FAT3: variants seen among roughly 807,000 people sequenced by gnomAD.
The protein encoded by FAT3 is protocadherin Fat 3.
In FAT3, 95 loss-of-function variants were observed where a neutral mutation model predicts 310.2. The observed-to-expected ratio is 0.31, with a 90% CI of 0.26 to 0.36. FAT3 has a LOEUF of 0.36. Among genes scored for constraint, FAT3 ranks in the 10% least tolerant of loss-of-function variants. FAT3 has a pLI of 1.00. For missense variants in FAT3, 5,408 were observed against 5,715.6 expected (o/e 0.95, Z 1.74); for synonymous variants, 2,314 against 2,192.9 (o/e 1.06, Z -1.54).
chr11:92,494,510 A>C (rs1952697298), intron 2 of FAT3, among the ~76,000 whole-genome samples: 1 of 152,080 alleles, frequency 6.6e-6, no homozygotes, highest in African/African-American at 2.4e-5. Context: ...CACCATGTAT[A>C]AACTACATGT....
intron 1 of FAT3, among the ~76,000 whole-genome samples, chr11:92,326,487 AAAG>A (rs1253360723): frequency 3.3e-5 from 5 of 152,362 alleles, no homozygotes; most frequent in Non-Finnish European, 7.3e-5. Context: ...TGCGGTAGAC[AAAG>A]AAGGAAACAT....
At chr11:92,829,783 A>G (rs1948194356) in intron 13 of FAT3, among the ~76,000 whole-genome samples, 1 of 152,200 alleles carries the variant, frequency 6.6e-6, no homozygotes, top group Non-Finnish European at 1.5e-5. Context: ...ATAAAAGTAA[A>G]TGATGAAACT....
chr11:92,771,655 C>T (rs1354350968), intron 6 of FAT3, among the ~76,000 whole-genome samples: 1 of 151,968 alleles, frequency 6.6e-6, no homozygotes, highest in Non-Finnish European at 1.5e-5. Flanking sequence ...TGGTCTGTCT[C>T]CCCTGTCCCT....
At chr11:92,279,402 T>C (rs552917146) in intron 1 of FAT3, among the ~76,000 whole-genome samples, 6 of 152,266 alleles carry the variant, frequency 3.9e-5, no homozygotes, top group Non-Finnish European at 5.9e-5. Context: ...ATGTATCCCT[T>C]TTCTGAATAA....
At chr11:92,563,165 C>T (rs1202267145) in intron 3 of FAT3, among the ~76,000 whole-genome samples, 1 of 152,170 alleles carries the variant, frequency 6.6e-6, no homozygotes, top group Non-Finnish European at 1.5e-5. Context: ...CCAGTATCAT[C>T]TTTTGAGTAA....
chr11:92,761,591 A>G (rs900917672), intron 4 of FAT3, among the ~76,000 whole-genome samples: 2 of 152,100 alleles, frequency 1.3e-5, no homozygotes, highest in Admixed American at 6.5e-5. Context: ...TTTTATAGGG[A>G]CATGAGTTCT....
At chr11:92,717,714 T>G (rs796932496) in intron 4 of FAT3, among the ~76,000 whole-genome samples, 21 of 152,330 alleles carry the variant, frequency 1.4e-4, no homozygotes, top group African/African-American at 5.1e-4. Flanking sequence ...TTAGTTCACT[T>G]CTACAGCTAT....
rs1017792032 is a variant in FAT3, at chr11:92,799,578, C to T, written c.6565C>T (p.Pro2189Ser). 4 of 1,613,746 alleles carry T rather than the reference C, an allele frequency of 2.5e-6. No homozygotes were observed. The highest frequency in any genetic ancestry group is 1.7e-6 in the Non-Finnish European group (2 of 1,179,836). The change falls in exon 10 of 28, where the codon CCC becomes TCC. Residue 2189 changes from proline (P) to serine (S), a missense_variant. Physicochemically the swap from Pro to Ser is moderately conservative, Grantham distance 74 (BLOSUM62 -1). Transcript: ENST00000525166. The part of the protein sequence containing the change: ...VNKAMPVFDK[P>S]FYTASVNEDI... Reference sequence around the variant, plus strand: ...CAAAGCAATGCCTGTGTTTGATAAGCCCTTTTATACAGCATCTGTCAATGA... The same window carrying T: ...CAAAGCAATGCCTGTGTTTGATAAGTCCTTTTATACAGCATCTGTCAATGA...
chr11:92,724,036 A>T (rs537851573), intron 4 of FAT3, among the ~76,000 whole-genome samples: 44 of 152,276 alleles, frequency 2.9e-4, no homozygotes, highest in Non-Finnish European at 5.4e-4. Flanking sequence ...TTAACAAAAC[A>T]TAGTGGCTTA....
intron 4 of FAT3, among the ~76,000 whole-genome samples, chr11:92,726,242 T>C (rs975155742): frequency 2.6e-5 from 4 of 152,184 alleles, no homozygotes; most frequent in African/African-American, 9.6e-5. Flanking sequence ...TCCTTTTCTA[T>C]ATTTATAGAA....
chr11:92,854,467 G>A (rs1408612770), intron 19 of FAT3, among the ~76,000 whole-genome samples: 1 of 152,174 alleles, frequency 6.6e-6, no homozygotes, highest in Non-Finnish European at 1.5e-5. Context: ...CGCCTTCCCT[G>A]CTGCAGCTGG....
chr11:92,797,050 G>A (rs960796535), intron 9 of FAT3, among the ~76,000 whole-genome samples: 2 of 152,206 alleles, frequency 1.3e-5, no homozygotes, highest in African/African-American at 4.8e-5. Flanking sequence ...AATGCTTGGT[G>A]AATAGAATGG....
chr11:92,554,898 TG>T (rs1377129629), intron 3 of FAT3, among the ~76,000 whole-genome samples: 1 of 152,220 alleles, frequency 6.6e-6, no homozygotes, highest in Non-Finnish European at 1.5e-5. Context: ...TCTGCTGCAC[TG>T]AAGCTCATAA....
chr11:92,352,269 T>G lies in FAT3; in HGVS notation c.157T>G (p.Tyr53Asp), dbSNP rs778814993. 2.1e-6 allele frequency: 3 copies of G among 1,443,580 alleles called. No homozygotes were observed. Among genetic ancestry groups the G allele is most frequent in the Admixed American group, 3.7e-5 (2 of 54,730 alleles). 89.4% of individuals were successfully genotyped at this position (1,443,580 alleles called of 1,614,324 possible). ...ACATTCCATTTATAATGCTACCGTG[T>G]ATGAGAACTCAGCAGCAAGGACCTA... is the stretch of plus-strand genomic sequence containing the variant. The part of the protein sequence containing the change: ...FTHSIYNATV[Y>D]ENSAARTYVN... The change falls in exon 2 of 28, where the codon TAT (tyrosine) becomes GAT (aspartate). Residue 53 changes from tyrosine (Y) to aspartate (D), a missense_variant. By Grantham distance (160) the Tyr-to-Asp change is radical. This residue lies in a region of FAT3 where 152 missense variants were observed against 188.3 expected (regional missense o/e 0.81). Transcript: ENST00000525166.
At chr11:92,803,081 AAG>A (rs1345026215) in intron 10 of FAT3, among the ~76,000 whole-genome samples, 1 of 152,148 alleles carries the variant, frequency 6.6e-6, no homozygotes, top group Non-Finnish European at 1.5e-5. Flanking sequence ...AGATAGAAGA[AAG>A]AGGTGAGTGA....
In FAT3 at chr11:92,382,232, G is replaced by C. The variant is rs891075115; in HGVS notation, c.3292+26828G>C. On this transcript the variant is annotated intron_variant, in intron 2 of 27. Transcript: ENST00000525166. ...TAATTTCCTCAAATTTGAAAGTTGC[G>C]TGAGTCTTAAACTGGCCCTTAGAAG... 5.9e-5 allele frequency among the ~76,000 whole-genome samples: 9 copies of C among 152,196 alleles called. No homozygotes were observed. The East Asian group carries it at 1.5e-3, about 26-fold the overall frequency.
At chr11:92,765,190 G>A (rs1310965584) in intron 6 of FAT3, 101 bp downstream of exon 6, 2 of 1,012,498 alleles carry the variant, frequency 2.0e-6, no homozygotes, top group Non-Finnish European at 2.8e-6. Flanking sequence ...CTAACAATTA[G>A]TGCCAAGATT....
chr11:92,793,050 G>A, intron 9 of FAT3, 73 bp downstream of exon 9: 3 of 1,460,646 alleles, frequency 2.1e-6, no homozygotes, highest in Non-Finnish European at 2.8e-6. Context: ...TTATCACCAT[G>A]TAAAATTCAG....
intron 2 of FAT3, among the ~76,000 whole-genome samples, chr11:92,364,297 T>C (rs1565260383): frequency 6.6e-6 from 1 of 152,296 alleles, no homozygotes; most frequent in East Asian, 1.9e-4. Context: ...TTATTTTTAT[T>C]TCTTCAATTA....
Sources: gnomAD v4.1 joint callset for allele counts (sites outside exome capture counted in the v4.1 genomes callset) on GRCh38, gnomAD v4.1.1 for gene constraint, gnomAD v4.1.1 regional missense constraint, MANE v1.5 for transcripts, NCBI Gene and HGNC (gene_info 2026-07-23, HGNC 2026-07-21) for gene names.